The following EFCAB5 variants were observed in gnomAD, a reference collection of about 807,000 sequenced individuals.
EFCAB5 encodes EF-hand calcium binding domain 5, also known as EF-hand calcium-binding domain-containing protein 5.
A neutral mutation model predicts 167.9 loss-of-function variants in EFCAB5; 131 were observed. That is an observed-to-expected ratio of 0.78 (90% CI 0.68 to 0.90). EFCAB5 has a LOEUF of 0.90. EFCAB5 is among the 40% of genes least tolerant of loss of function. The pLI is 0.00. For synonymous variants in EFCAB5, 574 were observed against 602.8 expected (o/e 0.95, Z 0.70); for missense variants, 1,663 against 1,745.2 (o/e 0.95, Z 0.84).
At chr17:29,934,894 C>T (rs1365971136) in intron 1 of EFCAB5, among the ~76,000 whole-genome samples, 2 of 152,112 alleles carry the variant, frequency 1.3e-5, no homozygotes, top group African/African-American at 2.4e-5. Context: ...TTAAGTAACT[C>T]CTCAGGCTGA....
At chr17:30,062,638 T>G (rs898548012) in intron 14 of EFCAB5, among the ~76,000 whole-genome samples, 1 of 152,094 alleles carries the variant, frequency 6.6e-6, no homozygotes, top group Non-Finnish European at 1.5e-5. Context: ...GGCTGGAGTG[T>G]GTCTTGCTCA....
intron 1 of EFCAB5, among the ~76,000 whole-genome samples, chr17:29,933,606 C>T (rs548582162): frequency 3.7e-4 from 56 of 152,314 alleles, no homozygotes; most frequent in African/African-American, 1.3e-3. Context: ...TCACTCTTCC[C>T]ACCTGCGATG....
intron 5 of EFCAB5, 117 bp from the exon 6 acceptor site, chr17:29,996,195 G>T (rs970512498): frequency 1.3e-5 from 10 of 770,972 alleles, no homozygotes; most frequent in Middle Eastern, 3.8e-4. Flanking sequence ...GGGTTGGAAA[G>T]ATCACCCAAT....
At chr17:30,017,169 C>A (rs2069064773) in intron 7 of EFCAB5, among the ~76,000 whole-genome samples, 2 of 151,298 alleles carry the variant, frequency 1.3e-5, no homozygotes, top group Non-Finnish European at 2.9e-5. Flanking sequence ...AGAGCGAGAA[C>A]GTGTCTCAAA....
At chr17:30,059,496 C>T (rs778190278) in intron 13 of EFCAB5, 49 bp from the exon 14 acceptor site, 15 of 1,505,110 alleles carry the variant, frequency 1.0e-5, no homozygotes, top group African/African-American at 1.4e-5. Context: ...TGCTAGCTAG[C>T]ACAATGAACA....
At chr17:30,066,414 AT>A (rs894010968) in intron 14 of EFCAB5, among the ~76,000 whole-genome samples, 81 of 152,160 alleles carry the variant, frequency 5.3e-4, no homozygotes, top group African/African-American at 1.9e-3. Context: ...TAATTTATTT[AT>A]TTTTTAAATT....
chr17:30,097,049 C>CAT (rs201697649), intron 22 of EFCAB5, among the ~76,000 whole-genome samples: 1 of 50,940 alleles, frequency 2.0e-5, no homozygotes, highest in South Asian at 5.2e-4. Flanking sequence ...TATACATATA[C>CAT]ATATATATAT....
At chr17:30,013,035 G>A (rs1259889500) in intron 7 of EFCAB5, among the ~76,000 whole-genome samples, 1 of 152,142 alleles carries the variant, frequency 6.6e-6, no homozygotes, top group African/African-American at 2.4e-5. Context: ...TTTGTCGAAG[G>A]CCTTCTCTGC....
intron 15 of EFCAB5, among the ~76,000 whole-genome samples, chr17:30,078,992 ACT>A: frequency 6.6e-6 from 1 of 152,336 alleles, no homozygotes; most frequent in South Asian, 2.1e-4. Context: ...GAATCCTGTC[ACT>A]TAGAACGCAT....
chr17:30,094,628 A>G lies in EFCAB5; in HGVS notation c.4321+1692A>G, dbSNP rs568542184. Among the ~76,000 whole-genome samples, 4 of 152,138 alleles carry G rather than the reference A, an allele frequency of 2.6e-5. No homozygotes were observed. In the East Asian group the frequency reaches 7.7e-4, roughly 29 times the overall value. ...GCCCAGGAGGTTGAGGCTGCTGTGA[A>G]ATGTGATCATGCCACTGCACTCCAG... On this transcript the variant is annotated intron_variant, in intron 22 of 22. Transcript: ENST00000394835.
At chr17:29,978,421 A>C (rs1157165897) in intron 4 of EFCAB5, among the ~76,000 whole-genome samples, 1 of 152,204 alleles carries the variant, frequency 6.6e-6, no homozygotes, top group African/African-American at 2.4e-5. Flanking sequence ...ATGTACACTG[A>C]CTAGTTTCAT....
In EFCAB5 at chr17:29,993,187, G is replaced by T; in HGVS notation, c.790G>T (p.Val264Phe). The stretch of plus-strand genomic sequence containing the variant: ...CAGAGTATCCAAGATGAAGGAGAAT[G>T]TTAAACAGAATAGAAAACAAAGAGA... ...CNRVSKMKEN[V>F]KQNRKQRESI... The change falls in exon 5 of 23, where the codon GTT (valine) becomes TTT (phenylalanine). Residue 264 changes from valine to phenylalanine, a missense_variant. Coordinates refer to ENST00000394835, the MANE Select transcript of EFCAB5 (RefSeq NM_198529.4). 6.2e-7 allele frequency: 1 copy of T among 1,611,788 alleles called. No homozygotes were observed. The highest frequency in any genetic ancestry group is 2.2e-5 in the East Asian group (1 of 44,828).
At chr17:30,073,626 TTTTC>T in intron 14 of EFCAB5, 1 of 708,474 alleles carries the variant, frequency 1.4e-6, no homozygotes, top group Non-Finnish European at 2.6e-6. Context: ...TTAACAGCTT[TTTTC>T]TTTCTTTTTG....
chr17:30,003,347 C>T (rs1251559565), intron 7 of EFCAB5, among the ~76,000 whole-genome samples: 1 of 152,060 alleles, frequency 6.6e-6, no homozygotes, highest in Non-Finnish European at 1.5e-5. Context: ...GCCATCCTCC[C>T]ACTTTAGCCT....
chr17:30,015,188 C>T (rs1383985018), intron 7 of EFCAB5, among the ~76,000 whole-genome samples: 1 of 152,158 alleles, frequency 6.6e-6, no homozygotes, highest in African/African-American at 2.4e-5. Context: ...TGATGGGCTT[C>T]CCTTTGTGGG....
intron 18 of EFCAB5, among the ~76,000 whole-genome samples, chr17:30,085,863 G>A (rs1310940847): frequency 6.6e-6 from 1 of 152,198 alleles, no homozygotes; most frequent in Non-Finnish European, 1.5e-5. Flanking sequence ...AAGAACCCTT[G>A]ATGTCATGGA....
intron 6 of EFCAB5, 47 bp from the exon 7 acceptor site, chr17:29,999,859 A>G (rs1277599997): frequency 3.0e-6 from 4 of 1,349,116 alleles, no homozygotes; most frequent in Non-Finnish European, 3.1e-6. Flanking sequence ...TATCAAATAT[A>G]TATTACAACC....
At chr17:29,986,250 G>C (rs955779664) in intron 4 of EFCAB5, among the ~76,000 whole-genome samples, 8 of 152,134 alleles carry the variant, frequency 5.3e-5, no homozygotes, top group Admixed American at 2.6e-4. Context: ...ATCTTATTAA[G>C]AGCCATGAAT....
At position 30,053,938 on chromosome 17, in the gene EFCAB5, G is replaced by T; in HGVS notation, c.1984G>T (p.Glu662Ter). ...AGGACCTTATGGAGAGATAATTTCA[G>T]AAGAGCAAGAAGACATAGGCTCAAC... ...EQGPYGEIIS[E>*]EQEDIGSTSQ... Residue 662 changes from glutamate to a stop codon, truncating the protein, a stop_gained, in exon 10 of 23, where the codon GAA becomes TAA. Transcript: ENST00000394835. LOFTEE classifies it high-confidence loss of function. 6.2e-7 allele frequency: 1 copy of T among 1,613,992 alleles called. No homozygotes were observed. The highest frequency in any genetic ancestry group is 8.5e-7 in the Non-Finnish European group (1 of 1,179,878).
Sources: gnomAD v4.1 joint callset for allele counts (sites outside exome capture counted in the v4.1 genomes callset) on GRCh38, gnomAD v4.1.1 for gene constraint, MANE v1.5 for transcripts, NCBI Gene and HGNC (gene_info 2026-07-23, HGNC 2026-07-21) for gene names.